Variants in NELL2 observed in about 807,000 individuals in gnomAD.
NELL2 encodes neural EGFL like 2, also known as protein kinase C-binding protein NELL2.
In NELL2, 41 loss-of-function variants were observed where a neutral mutation model predicts 109.6. The ratio of observed to expected loss-of-function variants is 0.37; its 90% confidence interval spans 0.29 to 0.49. NELL2 has a LOEUF of 0.49. NELL2 is among the 20% of genes least tolerant of loss of function. The pLI, the probability that NELL2 is intolerant of heterozygous loss-of-function variation, is 0.98. For synonymous variants in NELL2, 355 were observed against 344.7 expected (o/e 1.03, Z -0.33); for missense variants, 900 against 1,008.3 (o/e 0.89, Z 1.45).
At chr12:44,677,918 T>C (rs1206988533) in intron 12 of NELL2, among the ~76,000 whole-genome samples, 1 of 152,024 alleles carries the variant, frequency 6.6e-6, no homozygotes, top group African/African-American at 2.4e-5. Context: ...CACATCCAGA[T>C]AAAAATGTCC....
intron 15 of NELL2, among the ~76,000 whole-genome samples, chr12:44,586,810 C>A (rs755978594): frequency 1.3e-5 from 2 of 152,166 alleles, no homozygotes; most frequent in African/African-American, 2.4e-5. Context: ...ATAGACTCTA[C>A]AAGGGCAACG....
Position 44,920,129 on chromosome 12 carries a change from T to C in NELL2, c.-32+1661A>G, listed in dbSNP as rs759817239. Among the ~76,000 whole-genome samples the C allele has an allele frequency of 2.6e-5, 4 of 152,020 alleles. No individual in the cohort carries two copies. The South Asian group carries it at 8.3e-4, about 32-fold the overall frequency. On this transcript the variant is annotated intron_variant, in intron 1 of 9. Transcript: ENST00000552993. ...TTGGAAGTTATGTAATGTATGTTAATAGAATGAGAAAACAGAAAATAGGGA... is the reference window on the plus strand; with the variant it reads ...TTGGAAGTTATGTAATGTATGTTAACAGAATGAGAAAACAGAAAATAGGGA...
intron 13 of NELL2, among the ~76,000 whole-genome samples, chr12:44,619,149 T>A (rs369482042): frequency 6.7e-6 from 1 of 149,986 alleles, no homozygotes; most frequent in Admixed American, 6.7e-5. Flanking sequence ...ACAGGGAGGG[T>A]TTTTAACAGA....
rs1225668214 is a variant in NELL2, at chr12:44,635,400, G to A, written c.1445-24430C>T. Among the ~76,000 whole-genome samples the A allele has an allele frequency of 3.3e-5, 5 of 152,130 alleles. No individual in the cohort carries two copies. In the South Asian group the frequency reaches 8.3e-4, roughly 25 times the overall value. On this transcript the variant is annotated intron_variant, in intron 13 of 19. Transcript: ENST00000429094. Reference sequence around the variant, plus strand: ...GGTATTGCCTAGGTTTTCTTCTAGGGTTTTTATGGCTTTAGGGCTTACATT... The same window carrying A: ...GGTATTGCCTAGGTTTTCTTCTAGGATTTTTATGGCTTTAGGGCTTACATT...
At chr12:44,742,365 C>A (rs1298968994) in intron 9 of NELL2, among the ~76,000 whole-genome samples, 2 of 152,140 alleles carry the variant, frequency 1.3e-5, no homozygotes, top group Non-Finnish European at 1.5e-5. Context: ...GGGAAAAAAA[C>A]AAAGCAGAAA....
intron 13 of NELL2, among the ~76,000 whole-genome samples, chr12:44,656,865 G>A (rs1947522870): frequency 6.6e-6 from 1 of 152,092 alleles, no homozygotes; most frequent in African/African-American, 2.4e-5. Context: ...CTGATATGAA[G>A]GTATTGTTTG....
Position 44,747,444 on chromosome 12 carries a change from TATAATA to T in NELL2, c.994+27297_994+27302del, listed in dbSNP as rs200256759. Among the ~76,000 whole-genome samples, 218 of 151,256 alleles carry T rather than the reference TATAATA, an allele frequency of 1.4e-3. 4 individuals are homozygous for T. The East Asian group carries it at 0.03, about 21-fold the overall frequency. ...TGCACATGTACCCTAAAACTTCAAG[TATAATA>T]ATAATAATAATAATATTAAAAAGAA... On this transcript the variant is annotated intron_variant, in intron 9 of 19. Transcript: ENST00000429094.
intron 9 of NELL2, among the ~76,000 whole-genome samples, chr12:44,736,684 G>C (rs1391785701): frequency 6.6e-6 from 1 of 152,052 alleles, no homozygotes; most frequent in Non-Finnish European, 1.5e-5. Context: ...AATTCAACTA[G>C]TTGTAACTAT....
rs139017018 is a variant in NELL2 at position 44,753,648 on chromosome 12, C to T, written c.994+21099G>A. On this transcript the variant is annotated intron_variant, in intron 9 of 19. Coordinates refer to ENST00000429094, the MANE Select transcript of NELL2 (RefSeq NM_001145108.2). ...TGTTTCAGGGAATAATAATCCTCAC[C>T]TCATAGGACTATTCTAGGGATTTAA... Among the ~76,000 whole-genome samples the T allele has an allele frequency of 6.2e-3, 951 of 152,234 alleles. 16 individuals are homozygous for T. Among genetic ancestry groups the T allele is most frequent in the African/African-American group, 0.022 (902 of 41,534 alleles).
chr12:44,587,284 A>AAAAAT, intron 15 of NELL2, among the ~76,000 whole-genome samples: 5 of 72,214 alleles, frequency 6.9e-5, no homozygotes, highest in East Asian at 5.7e-4. Flanking sequence ...AAAAAAAAAA[A>AAAAAT]ATATATATAT....
chr12:44,777,331 G>C lies in NELL2; in HGVS notation c.607-17C>G, dbSNP rs1346573568. 1 of 1,595,216 alleles carries C rather than the reference G, an allele frequency of 6.3e-7. No homozygotes were observed. The highest frequency in any genetic ancestry group is 8.6e-7 in the Non-Finnish European group (1 of 1,167,826). On this transcript the variant is annotated splice_polypyrimidine_tract_variant and intron_variant, in intron 5 of 19. Transcript: ENST00000429094. Reference sequence around the variant, plus strand: ...CATTATACCCTGTGTGTGAAAAATAGAAAAAAAAGACATATTACTTTCATT... The same window carrying C: ...CATTATACCCTGTGTGTGAAAAATACAAAAAAAAGACATATTACTTTCATT...
chr12:44,812,814 TG>T (rs1354700692), intron 3 of NELL2, among the ~76,000 whole-genome samples: 1 of 152,024 alleles, frequency 6.6e-6, no homozygotes, highest in African/African-American at 2.4e-5. Flanking sequence ...TAAATGATGC[TG>T]AAAAAAAGGC....
At chr12:44,592,768 T>C (rs1261642720) in intron 15 of NELL2, among the ~76,000 whole-genome samples, 1 of 152,194 alleles carries the variant, frequency 6.6e-6, no homozygotes, top group Non-Finnish European at 1.5e-5. Context: ...GTGAGCACAT[T>C]GCTAGGGCTC....
intron 12 of NELL2, among the ~76,000 whole-genome samples, chr12:44,684,989 C>T (rs988815892): frequency 1.8e-4 from 28 of 152,058 alleles, no homozygotes; most frequent in African/African-American, 6.3e-4. Context: ...CTTTCTGTCT[C>T]GTTGATCTGT....
Position 44,556,580 on chromosome 12 carries a change from G to A in NELL2, c.1664-23859C>T, listed in dbSNP as rs569154121. 1.2e-3 allele frequency among the ~76,000 whole-genome samples: 179 copies of A among 152,256 alleles called. 1 individual carries two copies. The highest frequency in any genetic ancestry group is 1.0e-3 in the South Asian group (5 of 4,816). On this transcript the variant is annotated intron_variant, in intron 15 of 19. Transcript: ENST00000429094. ...CCTCTACCTAAAGAAACAGACACTG[G>A]CACTTTAATAGCAAACTGGGCCTCC... is the stretch of plus-strand genomic sequence containing the variant.
intron 15 of NELL2, among the ~76,000 whole-genome samples, chr12:44,597,468 C>A (rs114922300): frequency 1.6e-3 from 244 of 152,172 alleles, no homozygotes; most frequent in African/African-American, 5.7e-3. Flanking sequence ...GTTTCATAGA[C>A]CCTGTTTCTT....
intron 15 of NELL2, among the ~76,000 whole-genome samples, chr12:44,554,660 G>A (rs551498675): frequency 2.7e-4 from 41 of 152,250 alleles, no homozygotes; most frequent in African/African-American, 9.9e-4. Context: ...ATAAAAATGT[G>A]TTCCCAATTT....
intron 12 of NELL2, among the ~76,000 whole-genome samples, chr12:44,696,890 A>G (rs997488135): frequency 3.3e-5 from 5 of 152,366 alleles, no homozygotes; most frequent in African/African-American, 1.2e-4. Context: ...AGTTGAGGGA[A>G]GTATACACAG....
chr12:44,784,152 G>A (rs1942073426), intron 3 of NELL2, among the ~76,000 whole-genome samples: 2 of 152,028 alleles, frequency 1.3e-5, no homozygotes, highest in African/African-American at 4.8e-5. Context: ...AAGAACAGAG[G>A]AGAACTGTCT....
Sources: allele counts gnomAD v4.1 joint callset (sites outside exome capture counted in the v4.1 genomes callset), GRCh38; gene constraint gnomAD v4.1.1; transcripts MANE v1.5; gene names NCBI Gene and HGNC (gene_info 2026-07-23, HGNC 2026-07-21).